The following SCUBE2 variants were observed in gnomAD, a reference collection of about 807,000 sequenced individuals.
SCUBE2 encodes signal peptide, CUB domain and EGF like domain containing 2.
In SCUBE2, 114 loss-of-function variants were observed where a neutral mutation model predicts 125.9. The ratio of observed to expected loss-of-function variants is 0.91; its 90% CI spans 0.78 to 1.06. The LOEUF (loss-of-function observed/expected upper bound fraction) is 1.06. SCUBE2 is among the 50% of genes least tolerant of loss of function. The pLI, the probability that SCUBE2 is intolerant of heterozygous loss-of-function variation, is 0.00. For missense variants in SCUBE2, 1,255 were observed against 1,301.8 expected (o/e 0.96, Z 0.55); for synonymous variants, 459 against 492.9 (o/e 0.93, Z 0.91).
Position 9,059,291 on chromosome 11 carries a change from T to G in SCUBE2, c.1090+12A>C. On this transcript the variant is annotated intron_variant, in intron 9 of 22. Transcript: ENST00000649792. The stretch of plus-strand genomic sequence containing the variant: ...GGCCATTGCGCAGCACAGCTATGTT[T>G]TCAGCACATACCTTGGCAAGACTTC... 1.2e-6 allele frequency: 2 copies of G among 1,613,664 alleles called. No individual in the cohort carries two copies. Among genetic ancestry groups the G allele is most frequent in the Non-Finnish European group, 1.7e-6 (2 of 1,179,814 alleles).
intron 21 of SCUBE2, chr11:9,022,527 C>T: frequency 6.5e-6 from 1 of 153,430 alleles, no homozygotes; most frequent in Non-Finnish European, 1.5e-5. Context: ...CCCATCACTC[C>T]TCCAAAACTG....
rs192318205 is a variant in SCUBE2, at chr11:9,030,628, G to T, written c.2341+130C>A. ...CCTGCACATCCTGCTGGGGCGAGTG[G>T]AGCTGGGACCTGAACCCCCAGCCAC... On this transcript the variant is annotated intron_variant, in intron 18 of 22. Coordinates refer to ENST00000649792, the MANE Select transcript of SCUBE2 (RefSeq NM_001367977.2). The T allele has an allele frequency of 2.7e-4, 250 of 910,236 alleles. 1 individual carries two copies. In the Admixed American group the frequency reaches 5.0e-3, roughly 18 times the overall value. 56.4% of individuals were successfully genotyped at this position (910,236 alleles called of 1,614,324 possible). A position where few individuals can be genotyped will look rare whatever the true frequency, so the allele number is the denominator to read the frequency against.
At position 9,091,519 on chromosome 11, in the gene SCUBE2, C is replaced by T; in HGVS notation, c.10G>A (p.Ala4Thr). Residue 4 changes from alanine to threonine, a missense_variant, in exon 1 of 23, where the codon GCG (alanine) becomes ACG (threonine). Around this residue, in one of 3 missense-constraint regions of SCUBE2, gnomAD observed 362 missense variants for 323.0 expected, o/e 1.12. Coordinates refer to ENST00000649792, the MANE Select transcript of SCUBE2 (RefSeq NM_001367977.2). The surrounding 1 kb of genome is among the most constrained non-coding windows in gnomAD (Gnocchi z 8.5). ...GCCGCCCCGGGACGGTTGCGGCCCG[C>T]GACCCCCATGGATGGCTCAGCGGTT... MGV[A>T]GRNRPGAAWA... 1 of 879,738 alleles carries T rather than the reference C, an allele frequency of 1.1e-6. No individual in the cohort carries two copies. Among genetic ancestry groups the T allele is most frequent in the Non-Finnish European group, 1.5e-6 (1 of 669,842 alleles). 54.5% of individuals were successfully genotyped at this position (879,738 alleles called of 1,614,324 possible).
rs1396101971 is a variant in SCUBE2 at position 9,091,506 on chromosome 11, C to T, written c.23G>A (p.Arg8His). MGVAGRN[R>H]PGAAWAVLLL... Reference sequence around the variant, plus strand: ...CAGCACCGCCCAGGCCGCCCCGGGACGGTTGCGGCCCGCGACCCCCATGGA... The same window carrying T: ...CAGCACCGCCCAGGCCGCCCCGGGATGGTTGCGGCCCGCGACCCCCATGGA... The change falls in exon 1 of 23, where the codon CGT becomes CAT. Residue 8 changes from arginine to histidine, a missense_variant. By Grantham distance (29) the Arg-to-His change is conservative. Transcript: ENST00000649792. The surrounding 1 kb of genome is among the most constrained non-coding windows in gnomAD (Gnocchi z 8.5). 6.8e-6 allele frequency: 7 copies of T among 1,022,188 alleles called. No homozygotes were observed. Among genetic ancestry groups the T allele is most frequent in the Admixed American group, 4.4e-5 (1 of 22,840 alleles). 63.3% of individuals were successfully genotyped at this position (1,022,188 alleles called of 1,614,324 possible).
intron 19 of SCUBE2, 45 bp downstream of exon 19, chr11:9,029,839 T>A (rs771449531): frequency 1.6e-5 from 25 of 1,610,994 alleles, no homozygotes; most frequent in Non-Finnish European, 2.1e-5. Flanking sequence ...CCCAGACACC[T>A]ATCTTCTTAG....
intron 1 of SCUBE2, chr11:9,090,473 T>TA (rs1554902938): frequency 3.5e-5 from 5 of 144,812 alleles, no homozygotes; most frequent in South Asian, 4.4e-4. Context: ...GAGATTTTTT[T>TA]TTTATTTATT....
rs1246542141 is a variant in SCUBE2, at chr11:9,069,469, G to A, written c.544C>T (p.His182Tyr). Residue 182 changes from histidine to tyrosine, a missense_variant, in exon 5 of 23, where the codon CAC becomes TAC. By Grantham distance (83) the His-to-Tyr change is moderately conservative. Coordinates refer to ENST00000649792, the MANE Select transcript of SCUBE2 (RefSeq NM_001367977.2). ...EEGLSCMNKD[H>Y]GCSHICKEAP... ...TCCTTGCAGATGTGACTACAGCCGT[G>A]ATCCTTATTCATGCAGCTCAGGCCC... The A allele has an allele frequency of 2.5e-6, 4 of 1,614,130 alleles. No individual in the cohort carries two copies. The highest frequency in any genetic ancestry group is 2.2e-5 in the South Asian group (2 of 91,090).
intron 4 of SCUBE2, among the ~76,000 whole-genome samples, chr11:9,074,236 G>C (rs149848049): frequency 6.6e-6 from 1 of 152,214 alleles, no homozygotes; most frequent in Non-Finnish European, 1.5e-5. Flanking sequence ...ATTAGAATCA[G>C]AAAATGTGAG....
At chr11:9,084,698 C>T (rs1861916913) in intron 2 of SCUBE2, among the ~76,000 whole-genome samples, 1 of 152,144 alleles carries the variant, frequency 6.6e-6, no homozygotes, top group Admixed American at 6.5e-5. Flanking sequence ...TGGCCAAAAA[C>T]TCATAACCTC....
chr11:9,077,566 A>T (rs1268928588), intron 3 of SCUBE2, among the ~76,000 whole-genome samples: 1 of 152,218 alleles, frequency 6.6e-6, no homozygotes, highest in African/African-American at 2.4e-5. Context: ...GTCATCCCAG[A>T]GAACTCAGGA....
intron 10 of SCUBE2, among the ~76,000 whole-genome samples, chr11:9,054,729 T>A (rs867698896): frequency 2.3e-3 from 152 of 65,214 alleles, no homozygotes; most frequent in African/African-American, 3.6e-3. Context: ...ATATATATTT[T>A]TTTTTTTTTT....
At chr11:9,029,441 A>C (rs1275669570) in intron 19 of SCUBE2, among the ~76,000 whole-genome samples, 5 of 152,206 alleles carry the variant, frequency 3.3e-5, no homozygotes, top group African/African-American at 1.2e-4. Context: ...ACCCTCCAGA[A>C]GCCTTTCCTC....
intron 16 of SCUBE2, among the ~76,000 whole-genome samples, chr11:9,042,864 C>T (rs1449393003): frequency 6.6e-6 from 1 of 152,200 alleles, no homozygotes; most frequent in African/African-American, 2.4e-5. Flanking sequence ...ATTTCTCTAA[C>T]CCATTGCTGT....
At chr11:9,083,129 A>G (rs1374764208) in intron 2 of SCUBE2, among the ~76,000 whole-genome samples, 1 of 151,954 alleles carries the variant, frequency 6.6e-6, no homozygotes, top group African/African-American at 2.4e-5. Flanking sequence ...AATGAATACA[A>G]TTAATTGTAT....
At chr11:9,028,195 T>C (rs1446976445) in intron 19 of SCUBE2, among the ~76,000 whole-genome samples, 1 of 141,180 alleles carries the variant, frequency 7.1e-6, no homozygotes, top group Non-Finnish European at 1.5e-5. Flanking sequence ...CCATCAGGCC[T>C]GGCTAATTTT....
chr11:9,038,151 C>T (rs1221942286), intron 16 of SCUBE2, among the ~76,000 whole-genome samples: 1 of 152,130 alleles, frequency 6.6e-6, no homozygotes, highest in Non-Finnish European at 1.5e-5. Flanking sequence ...TAATGGGGTT[C>T]TCAGGGCAGT....
Position 9,091,440 on chromosome 11 carries a change from C to G in SCUBE2, c.89G>C (p.Gly30Ala). Residue 30 changes from glycine (G) to alanine (A), a missense_variant, in exon 1 of 23, where the codon GGG becomes GCG. This residue lies in a region of SCUBE2 where 362 missense variants were observed against 323.0 expected (regional missense o/e 1.12). Coordinates refer to ENST00000649792, the MANE Select transcript of SCUBE2 (RefSeq NM_001367977.2). The surrounding 1 kb of genome is among the most constrained non-coding windows in gnomAD (Gnocchi z 8.5). Reference protein sequence around the residue: ...LLLPPLLLLAGAVPPGRGRAA... With the variant: ...LLLPPLLLLAAAVPPGRGRAA... Reference sequence around the variant, plus strand: ...ACGGCCCCGACCCGGCGGGACGGCCCCCGCCAGCAGCAGCAGTGGCGGCAG... The same window carrying G: ...ACGGCCCCGACCCGGCGGGACGGCCGCCGCCAGCAGCAGCAGTGGCGGCAG... 4.5e-6 allele frequency: 6 copies of G among 1,338,540 alleles called. No individual in the cohort carries two copies. The highest frequency in any genetic ancestry group is 4.8e-6 in the Non-Finnish European group (5 of 1,047,398). The allele number at this position is 1,338,540 out of a possible 1,614,324, so 82.9% of individuals were successfully genotyped here. A position where few individuals can be genotyped will look rare whatever the true frequency, so the allele number is the denominator to read the frequency against.
chr11:9,024,949 T>C (rs540972294), intron 21 of SCUBE2, among the ~76,000 whole-genome samples: 1 of 152,340 alleles, frequency 6.6e-6, no homozygotes, highest in Non-Finnish European at 1.5e-5. Context: ...ACATAGTAGA[T>C]GCTCATTAAA....
At chr11:9,059,066 G>C (rs1049204509) in intron 9 of SCUBE2, among the ~76,000 whole-genome samples, 2 of 152,140 alleles carry the variant, frequency 1.3e-5, no homozygotes, top group Non-Finnish European at 1.5e-5. Flanking sequence ...TCATCACATC[G>C]ATGGGTTCTT....
Sources: gnomAD v4.1 joint callset for allele counts (sites outside exome capture counted in the v4.1 genomes callset) on GRCh38, gnomAD v4.1.1 for gene constraint, gnomAD v4.1.1 regional missense constraint, Gnocchi (gnomAD v3.1) non-coding constraint, MANE v1.5 for transcripts, NCBI Gene and HGNC (gene_info 2026-07-23, HGNC 2026-07-21) for gene names.